Variants in TEKT4 observed in about 807,000 individuals in gnomAD.
The protein encoded by TEKT4 is tektin-4.
TEKT4 carries 46 observed loss-of-function variants against 46.0 expected under a neutral mutation model. The ratio of observed to expected loss-of-function variants is 1.00; its 90% CI spans 0.79 to 1.28. The LOEUF (loss-of-function observed/expected upper bound fraction) is 1.28. Among genes scored for constraint, TEKT4 ranks in the 50% most tolerant of loss-of-function variants. The pLI is 0.00. For synonymous variants in TEKT4, 325 were observed against 265.8 expected (o/e 1.22, Z -2.17); for missense variants, 790 against 622.9 (o/e 1.27, Z -2.85).
chr2:94,872,136 C>CA (rs1237896878), intron 1 of TEKT4, 59 bp downstream of exon 1: 1 of 1,475,116 alleles, frequency 6.8e-7, no homozygotes, highest in African/African-American at 1.4e-5. Flanking sequence ...GCCCCCCCCC[C>CA]CGCAGTTCAT....
chr2:94,871,761 A>C lies in TEKT4; in HGVS notation c.182A>C (p.Gln61Pro). ...RYHQAFADRD[Q>P]SERQRHESQQ... ...CACCAGGCCTTCGCCGACCGCGACC[A>C]GTCGGAGCGGCAGCGGCACGAGAGC... is the stretch of plus-strand genomic sequence containing the variant. Residue 61 changes from glutamine (Q) to proline (P), a missense_variant, in exon 1 of 6, where the codon CAG becomes CCG. Gln to Pro is a moderately conservative substitution (Grantham distance 76, BLOSUM62 -1). Transcript: ENST00000295201. The C allele has an allele frequency of 1.9e-6, 3 of 1,612,506 alleles. No homozygotes were observed. Among genetic ancestry groups the C allele is most frequent in the Non-Finnish European group, 2.5e-6 (3 of 1,179,826 alleles).
At chr2:94,875,877 A>C (rs1680827066) in intron 5 of TEKT4, 135 bp downstream of exon 5, 1 of 869,820 alleles carries the variant, frequency 1.1e-6, no homozygotes, top group Admixed American at 2.5e-5. Flanking sequence ...CTTTGGGGCC[A>C]CACACAACAA....
At chr2:94,872,979 G>A (rs1553395133) in intron 1 of TEKT4, 1 of 1,289,440 alleles carries the variant, frequency 7.8e-7, no homozygotes, top group South Asian at 1.2e-5. Flanking sequence ...GGCACACAAG[G>A]AAGTACCCAG....
Position 94,871,563 on chromosome 2 carries a change from G to C in TEKT4, c.-17G>C. 6.3e-7 allele frequency: 1 copy of C among 1,582,434 alleles called. No homozygotes were observed. Among genetic ancestry groups the C allele is most frequent in the Non-Finnish European group, 8.6e-7 (1 of 1,164,810 alleles). Reference sequence around the variant, plus strand: ...ACACAGTCCTCACTCCCCTGGCCCTGGTGGGCGGCAGGCACCATGGCGCAG... The same window carrying C: ...ACACAGTCCTCACTCCCCTGGCCCTCGTGGGCGGCAGGCACCATGGCGCAG... On this transcript the variant is annotated 5_prime_UTR_variant, in exon 1 of 6. Coordinates refer to ENST00000295201, the MANE Select transcript of TEKT4 (RefSeq NM_144705.4).
In TEKT4 at chr2:94,876,715, C is replaced by G; in HGVS notation, c.1254C>G (p.Cys418Trp). 1 of 1,612,098 alleles carries G rather than the reference C, an allele frequency of 6.2e-7. No individual in the cohort carries two copies. The change falls in exon 6 of 6, where the codon TGC becomes TGG. Residue 418 changes from cysteine to tryptophan, a missense_variant. Transcript: ENST00000295201. ...TNSLFIDRQK[C>W]MAHRTRYPTI... ...GTCTCTTCATCGACCGCCAGAAGTG[C>G]ATGGCCCATCGTACTCGCTACCCCA...
At chr2:94,875,157 C>T (rs543860021) in intron 4 of TEKT4, among the ~76,000 whole-genome samples, 159 bp downstream of exon 4, 23 of 152,320 alleles carry the variant, frequency 1.5e-4, no homozygotes, top group Non-Finnish European at 2.1e-4. Context: ...TATGATCGAC[C>T]GGTGTTGCCA....
At chr2:94,875,144 G>A (rs1553396018) in intron 4 of TEKT4, 146 bp downstream of exon 4, 5 of 889,920 alleles carry the variant, frequency 5.6e-6, no homozygotes, top group Non-Finnish European at 8.4e-6. Flanking sequence ...AGGTGACACT[G>A]GGTATGATCG....
In TEKT4 at chr2:94,871,979, G is replaced by C; in HGVS notation, c.400G>C (p.Glu134Gln). 6.2e-7 allele frequency: 1 copy of C among 1,600,704 alleles called. No homozygotes were observed. The highest frequency in any genetic ancestry group is 8.5e-7 in the Non-Finnish European group (1 of 1,175,628). ...GCTGGAGCGCGCCCTGGACGCCACA[G>C]AGGTGCCCTTCTCCATCACCACTGA... ...QRLERALDATEVPFSITTDNL... is the reference protein window; with the variant it reads ...QRLERALDATQVPFSITTDNL... Residue 134 changes from glutamate (E) to glutamine (Q), a missense_variant, in exon 1 of 6, where the codon GAG becomes CAG. Physicochemically the swap from Glu to Gln is conservative, Grantham distance 29. Transcript: ENST00000295201.
intron 5 of TEKT4, 76 bp downstream of exon 5, chr2:94,875,818 C>CCG: frequency 6.8e-7 from 1 of 1,460,730 alleles, no homozygotes; most frequent in East Asian, 2.4e-5. Context: ...AATAAACACT[C>CCG]CAACACCCCG....
At chr2:94,873,147 G>C (rs1329902980) in intron 1 of TEKT4, 78 of 1,227,134 alleles carry the variant, frequency 6.4e-5, no homozygotes, top group Non-Finnish European at 7.9e-5. Context: ...AGCCTGGGCG[G>C]GCATCTGGGC....
intron 1 of TEKT4, chr2:94,873,241 G>A: frequency 7.6e-7 from 1 of 1,313,834 alleles, no homozygotes; most frequent in Non-Finnish European, 9.8e-7. Context: ...CAGCAGCGAT[G>A]ACTCCTGAAG....
At chr2:94,872,223 T>A in intron 1 of TEKT4, 146 bp downstream of exon 1, 1 of 1,109,024 alleles carries the variant, frequency 9.0e-7, no homozygotes, top group Non-Finnish European at 1.2e-6. Context: ...TCCCGAAATC[T>A]GGCCCCTTAG....
rs781914776 is a variant in TEKT4 at position 94,873,571 on chromosome 2, C to T, written c.550C>T (p.Gln184Ter). 7 of 1,613,088 alleles carry T rather than the reference C, an allele frequency of 4.3e-6. No individual in the cohort carries two copies. Among genetic ancestry groups the T allele is most frequent in the African/African-American group, 4.0e-5 (3 of 74,892 alleles). Residue 184 changes from glutamine (Q) to a stop codon, truncating the protein, a stop_gained, in exon 2 of 6, where the codon CAA becomes TAA. Transcript: ENST00000295201. LOFTEE classifies it high-confidence loss of function. The stretch of plus-strand genomic sequence containing the variant: ...GGAGCTGCTGAAGAGAACCATCATG[C>T]AAGCAGTGAGCCAGATCCGGTGGGT... Reference protein sequence around the residue: ...IQELLKRTIMQAVSQIRLNRE... With the variant: ...IQELLKRTIM
In TEKT4 at chr2:94,875,723, C is replaced by G. The variant is rs202183695; in HGVS notation, c.1072C>G (p.Arg358Gly). ...GCACCGGCCCAACATGGAGCTGTGC[C>G]GTGACGCAGCCCAGTTCAGGTGCTG... ...RSHRPNMELC[R>G]DAAQFRLLSE... Residue 358 changes from arginine to glycine, a missense_variant, in exon 5 of 6, where the codon CGT (arginine) becomes GGT (glycine). By Grantham distance (125) the Arg-to-Gly change is moderately radical (BLOSUM62 -2). Coordinates refer to ENST00000295201, the MANE Select transcript of TEKT4 (RefSeq NM_144705.4). 34 of 1,613,992 alleles carry G rather than the reference C, an allele frequency of 2.1e-5. No individual in the cohort carries two copies. Among genetic ancestry groups the G allele is most frequent in the Non-Finnish European group, 2.8e-5 (33 of 1,179,900 alleles).
In TEKT4 at chr2:94,876,744, T is replaced by A; in HGVS notation, c.1283T>A (p.Ile428Asn). The A allele has an allele frequency of 1.2e-6, 2 of 1,608,822 alleles. No homozygotes were observed. Among genetic ancestry groups the A allele is most frequent in the Non-Finnish European group, 1.7e-6 (2 of 1,179,956 alleles). ...GCCCATCGTACTCGCTACCCCACCA[T>A]CCTGCAGCTGGCTGGCTACCAGTGA... ...CMAHRTRYPT[I>N]LQLAGYQ The change falls in exon 6 of 6, where the codon ATC becomes AAC. Residue 428 changes from isoleucine to asparagine, a missense_variant. By Grantham distance (149) the Ile-to-Asn change is moderately radical. Coordinates refer to ENST00000295201, the MANE Select transcript of TEKT4 (RefSeq NM_144705.4).
chr2:94,872,440 T>A, intron 1 of TEKT4: 1 of 380,996 alleles, frequency 2.6e-6, no homozygotes, highest in African/African-American at 2.0e-5. Flanking sequence ...ACTGCAGGTG[T>A]GGACAGGTAA....
intron 5 of TEKT4, among the ~76,000 whole-genome samples, chr2:94,876,140 G>A (rs1389187010): frequency 2.6e-5 from 4 of 152,314 alleles, no homozygotes; most frequent in Non-Finnish European, 4.4e-5. Context: ...CTACGCCTGC[G>A]CTACAGGCAT....
chr2:94,872,021 G>C lies in TEKT4; in HGVS notation c.442G>C (p.Glu148Gln). 6.4e-7 allele frequency: 1 copy of C among 1,571,664 alleles called. No individual in the cohort carries two copies. Residue 148 changes from glutamate to glutamine, a missense_variant, in exon 1 of 6, where the codon GAG (glutamate) becomes CAG (glutamine). Physicochemically the swap from Glu to Gln is conservative, Grantham distance 29. Transcript: ENST00000295201. Reference protein sequence around the residue: ...SITTDNLQCRERREHPNLVRD... With the variant: ...SITTDNLQCRQRREHPNLVRD... ...CACCACTGACAACCTGCAGTGCCGT[G>C]AGCGCCGCGAGCACCCCAACCTCGT...
rs142676584 is a variant in TEKT4, at chr2:94,871,705, G to A, written c.126G>A (p.Glu42=). Residue 42 remains glutamate (E), a synonymous_variant, in exon 1 of 6, where the codon GAG becomes GAA. Transcript: ENST00000295201. ...ASFRTSKYLL[E]EWFQNCYARY... is the part of the protein sequence containing the mutation. ...TCCGCACCTCCAAGTACCTGCTGGA[G>A]GAGTGGTTCCAGAACTGCTATGCTC... 386 of 1,612,634 alleles carry A rather than the reference G, an allele frequency of 2.4e-4. 3 individuals carry two copies. In the African/African-American group the frequency reaches 4.4e-3, roughly 18 times the overall value.
Sources: gnomAD v4.1 joint callset for allele counts (sites outside exome capture counted in the v4.1 genomes callset) on GRCh38, gnomAD v4.1.1 for gene constraint, MANE v1.5 for transcripts, NCBI Gene and HGNC (gene_info 2026-07-23, HGNC 2026-07-21) for gene names.